FBXO36: variants seen among roughly 807,000 people sequenced by gnomAD.
FBXO36 encodes F-box only protein 36.
Under a neutral mutation model 17.0 loss-of-function variants are expected in FBXO36, and 18 were observed. The ratio of observed to expected loss-of-function variants is 1.06; its 90% CI spans 0.73 to 1.57. The LOEUF (loss-of-function observed/expected upper bound fraction) is 1.57. Ranked by LOEUF, FBXO36 falls within the 40% of genes most tolerant of loss-of-function variation. The pLI, the probability that FBXO36 is intolerant of heterozygous loss-of-function variation, is 0.00. For synonymous variants in FBXO36, 83 were observed against 85.3 expected, an observed-to-expected ratio of 0.97 and a Z score of 0.15; for missense variants, 229 against 221.9, an observed-to-expected ratio of 1.03 and a Z score of -0.20.
chr2:229,949,550 C>CAT (rs1050171195), intron 1 of FBXO36, among the ~76,000 whole-genome samples: 8 of 151,788 alleles, frequency 5.3e-5, no homozygotes, highest in African/African-American at 1.9e-4. Context: ...CACACACACA[C>CAT]ACACACACAC....
Position 229,996,872 on chromosome 2 carries a change from G to T in FBXO36, c.327G>T (p.Leu109=). 6.2e-7 allele frequency: 1 copy of T among 1,613,900 alleles called. No homozygotes were observed. The highest frequency in any genetic ancestry group is 2.2e-5 in the East Asian group (1 of 44,854). ...DDLLLTIISY[L]DLEDIARLCQ... The stretch of plus-strand genomic sequence containing the variant: ...TGCTCCTGACTATCATTTCTTATCT[G>T]GATCTTGAAGATATTGCCAGGCTTT... The change falls in exon 3 of 4, where the codon CTG becomes CTT. Residue 109 remains leucine (L), a synonymous_variant. Transcript: ENST00000283946.
At chr2:229,963,461 T>TC (rs1262588374) in intron 1 of FBXO36, among the ~76,000 whole-genome samples, 2 of 148,318 alleles carry the variant, frequency 1.3e-5, no homozygotes, top group African/African-American at 5.0e-5. Flanking sequence ...TTTTTTTTTT[T>TC]CGAGGCGGAG....
At position 230,010,913 on chromosome 2, in the gene FBXO36, C is replaced by T. The variant is rs749820809; in HGVS notation, c.*29C>T. On this transcript the variant is annotated 3_prime_UTR_variant, in exon 4 of 4. Coordinates refer to ENST00000283946, the MANE Select transcript of FBXO36 (RefSeq NM_174899.5). ...CACATTTTCCTACCAGCAGGGAGCTCAGGCATGGCTGTGTTTCTCTTCAGT... is the reference window on the plus strand; with the variant it reads ...CACATTTTCCTACCAGCAGGGAGCTTAGGCATGGCTGTGTTTCTCTTCAGT... The T allele has an allele frequency of 2.5e-6, 4 of 1,571,126 alleles. No homozygotes were observed. Among genetic ancestry groups the T allele is most frequent in the East Asian group, 2.3e-5 (1 of 43,182 alleles).
At chr2:229,967,342 C>G (rs555340277) in intron 1 of FBXO36, among the ~76,000 whole-genome samples, 1 of 152,286 alleles carries the variant, frequency 6.6e-6, no homozygotes, top group East Asian at 1.9e-4. Flanking sequence ...ATTTGACTTC[C>G]TCTTTCCCTA....
intron 1 of FBXO36, among the ~76,000 whole-genome samples, chr2:229,935,290 A>T (rs1560431018): frequency 6.6e-6 from 1 of 152,210 alleles, no homozygotes; most frequent in Admixed American, 6.5e-5. Context: ...TCTCAGATGC[A>T]CCAGCTCAGC....
intron 3 of FBXO36, among the ~76,000 whole-genome samples, chr2:230,006,833 G>A (rs900481131): frequency 1.1e-4 from 17 of 152,190 alleles, no homozygotes; most frequent in African/African-American, 4.1e-4. Context: ...TGCCTTAGAA[G>A]CATAAAGACA....
intron 2 of FBXO36, among the ~76,000 whole-genome samples, chr2:229,980,044 T>TTTTTTTG (rs1430994820): frequency 6.6e-6 from 1 of 152,040 alleles, no homozygotes; most frequent in Non-Finnish European, 1.5e-5. Context: ...TAACATTCGT[T>TTTTTTTG]TTTTTTGTTT....
At chr2:229,997,674 G>T (rs961576522) in intron 3 of FBXO36, among the ~76,000 whole-genome samples, 1 of 151,976 alleles carries the variant, frequency 6.6e-6, no homozygotes, top group African/African-American at 2.4e-5. Context: ...TGCATTTCCT[G>T]TCTCCCAATA....
At chr2:229,972,710 C>G (rs534182941) in intron 1 of FBXO36, among the ~76,000 whole-genome samples, 4 of 151,984 alleles carry the variant, frequency 2.6e-5, no homozygotes, top group African/African-American at 9.7e-5. Context: ...TGAGCCACCA[C>G]GCCCAGCTCA....
At chr2:229,944,755 G>T (rs2077018255) in intron 1 of FBXO36, among the ~76,000 whole-genome samples, 1 of 151,814 alleles carries the variant, frequency 6.6e-6, no homozygotes, top group South Asian at 2.1e-4. Context: ...ACCACGCCCG[G>T]CTAATTTTTT....
At chr2:229,949,067 T>C (rs1035445613) in intron 1 of FBXO36, among the ~76,000 whole-genome samples, 1 of 152,172 alleles carries the variant, frequency 6.6e-6, no homozygotes, top group Non-Finnish European at 1.5e-5. Flanking sequence ...ACTCCTGACC[T>C]CGTGATCCGC....
At chr2:230,000,124 G>A (rs377355637) in intron 3 of FBXO36, among the ~76,000 whole-genome samples, 3 of 151,946 alleles carry the variant, frequency 2.0e-5, no homozygotes, top group South Asian at 2.1e-4. Context: ...TTGGGAGGCC[G>A]AGGTGGGTGG....
At position 229,983,506 on chromosome 2, in the gene FBXO36, A is replaced by G. The variant is rs547434989; in HGVS notation, c.205+7157A>G. Among the ~76,000 whole-genome samples the G allele has an allele frequency of 3.3e-4, 50 of 151,844 alleles. 1 individual carries two copies. The highest frequency in any genetic ancestry group is 1.0e-3 in the African/African-American group (43 of 41,438). ...TTTTTAGTAGAGATGAGGTCTTGCT[A>G]TGTTGCCCAGGCTGGTCTCAAACTC... On this transcript the variant is annotated intron_variant, in intron 2 of 3. Coordinates refer to ENST00000283946, the MANE Select transcript of FBXO36 (RefSeq NM_174899.5).
At chr2:229,938,862 C>T (rs2076981303) in intron 1 of FBXO36, among the ~76,000 whole-genome samples, 1 of 147,234 alleles carries the variant, frequency 6.8e-6, no homozygotes, top group Middle Eastern at 3.4e-3. Context: ...TGGGTTCAAG[C>T]GATTCTCCTG....
intron 2 of FBXO36, among the ~76,000 whole-genome samples, chr2:229,979,246 C>G (rs1465373760): frequency 6.6e-6 from 1 of 151,412 alleles, no homozygotes; most frequent in Non-Finnish European, 1.5e-5. Flanking sequence ...ACTTGTCATT[C>G]TAGCACTTTG....
At chr2:229,996,659 G>C (rs2077328999) in intron 2 of FBXO36, 92 bp from the exon 3 acceptor site, 11 of 1,376,006 alleles carry the variant, frequency 8.0e-6, no homozygotes, top group Non-Finnish European at 9.9e-6. Flanking sequence ...ACTCCCAGGG[G>C]AAAAATGCCC....
rs755046970 is a variant in FBXO36 at position 229,922,590 on chromosome 2, T to A, written c.77T>A (p.Leu26Ter). The change falls in exon 1 of 4, where the codon TTA (leucine) becomes TAA (stop). Residue 26 changes from leucine (L) to a stop codon, truncating the protein, a stop_gained. Coordinates refer to ENST00000283946, the MANE Select transcript of FBXO36 (RefSeq NM_174899.5). LOFTEE classifies it high-confidence loss of function. ...GPPPSKDYYQ[L>*]LVTRSQVIFR... ...CCGCCTAGCAAAGACTATTACCAGT[T>A]ACTGGTCACCCGGTCTCAGGCAAGT... 2 of 1,613,924 alleles carry A rather than the reference T, an allele frequency of 1.2e-6. No homozygotes were observed. Among genetic ancestry groups the A allele is most frequent in the African/African-American group, 2.7e-5 (2 of 74,924 alleles).
chr2:229,937,175 T>A (rs1219573212), intron 1 of FBXO36, among the ~76,000 whole-genome samples: 4 of 152,068 alleles, frequency 2.6e-5, no homozygotes, highest in Non-Finnish European at 5.9e-5. Context: ...TGGAATATAG[T>A]GCGGCAACCA....
rs553936961 is a variant in FBXO36 at position 229,995,046 on chromosome 2, G to A, written c.206-1705G>A. ...GGAGAATTGCTTGAACCCAGGGGGC[G>A]GAGGTTGCAGTGAGCTGAGATCGTG... On this transcript the variant is annotated intron_variant, in intron 2 of 3. Transcript: ENST00000283946. Among the ~76,000 whole-genome samples, 12 of 152,164 alleles carry A rather than the reference G, an allele frequency of 7.9e-5. No homozygotes were observed. In the South Asian group the frequency reaches 2.3e-3, roughly 29 times the overall value.
Sources: gnomAD v4.1 joint callset for allele counts (sites outside exome capture counted in the v4.1 genomes callset) on GRCh38, gnomAD v4.1.1 for gene constraint, MANE v1.5 for transcripts, NCBI Gene and HGNC (gene_info 2026-07-23, HGNC 2026-07-21) for gene names.